Variants in DYNLRB1 observed in about 807,000 individuals in gnomAD.
DYNLRB1 encodes the protein ROBL/LC7-like 1.
A neutral mutation model predicts 13.5 loss-of-function variants in DYNLRB1; 6 were observed. The ratio of observed to expected loss-of-function variants is 0.44; its 90% confidence interval spans 0.24 to 0.88. The LOEUF is 0.88. Ranked by LOEUF, DYNLRB1 falls within the 40% of genes least tolerant of loss-of-function variation. DYNLRB1 has a pLI of 0.21. For synonymous variants in DYNLRB1, 43 were observed against 45.0 expected (o/e 0.96, Z 0.18); for missense variants, 93 against 127.2 (o/e 0.73, Z 1.29).
chr20:34,524,705 A>G (rs1448085062), intron 1 of DYNLRB1, among the ~76,000 whole-genome samples: 2 of 151,638 alleles, frequency 1.3e-5, no homozygotes, highest in East Asian at 1.9e-4. Flanking sequence ...TCTTAGAGGC[A>G]TAAGTCCATT....
chr20:34,532,465 T>C (rs868248158), intron 2 of DYNLRB1, among the ~76,000 whole-genome samples: 15 of 152,256 alleles, frequency 9.9e-5, no homozygotes, highest in African/African-American at 3.6e-4. Context: ...TCAGACTGAC[T>C]TGCTGGGTGG....
At chr20:34,531,859 G>A (rs1980738887) in intron 2 of DYNLRB1, among the ~76,000 whole-genome samples, 1 of 152,202 alleles carries the variant, frequency 6.6e-6, no homozygotes, top group Admixed American at 6.5e-5. Flanking sequence ...AGGGACCAAA[G>A]TGGAAATCAT....
At chr20:34,520,509 C>G (rs1979627568) in intron 1 of DYNLRB1, among the ~76,000 whole-genome samples, 1 of 152,158 alleles carries the variant, frequency 6.6e-6, no homozygotes, top group Non-Finnish European at 1.5e-5. Flanking sequence ...TTCAGTGGCT[C>G]AATCTCAGCT....
At chr20:34,535,189 AG>A in intron 3 of DYNLRB1, 1 of 985,420 alleles carries the variant, frequency 1.0e-6, no homozygotes. Context: ...AAGCAGTGTG[AG>A]CAAGGCGGAG....
chr20:34,517,048 C>T (rs1282673849), intron 1 of DYNLRB1, among the ~76,000 whole-genome samples: 1 of 152,034 alleles, frequency 6.6e-6, no homozygotes. Context: ...GTGCCAGAGT[C>T]AGGAACGGGC....
At chr20:34,525,190 C>CA (rs146968953) in intron 1 of DYNLRB1, among the ~76,000 whole-genome samples, 1 of 152,034 alleles carries the variant, frequency 6.6e-6, no homozygotes, top group Non-Finnish European at 1.5e-5. Context: ...TCCCCCCCCC[C>CA]ATTTCTTTTG....
At chr20:34,517,038 G>T (rs752949699) in intron 1 of DYNLRB1, among the ~76,000 whole-genome samples, 2 of 152,072 alleles carry the variant, frequency 1.3e-5, no homozygotes, top group Admixed American at 6.6e-5. Flanking sequence ...CTGGGACTGG[G>T]TGCCAGAGTC....
At chr20:34,535,734 G>A (rs1442183117) in intron 3 of DYNLRB1, 3 of 985,410 alleles carry the variant, frequency 3.0e-6, no homozygotes, top group East Asian at 2.3e-4. Flanking sequence ...TGAGTGGGGA[G>A]GAGTGGGAGG....
At chr20:34,525,784 T>C (rs1445739175) in intron 1 of DYNLRB1, among the ~76,000 whole-genome samples, 1 of 152,194 alleles carries the variant, frequency 6.6e-6, no homozygotes, top group East Asian at 1.9e-4. Flanking sequence ...TTCTTACAGC[T>C]GAGTGCTGTG....
chr20:34,529,813 T>A, intron 2 of DYNLRB1: 1 of 1,450,202 alleles, frequency 6.9e-7, no homozygotes, highest in Non-Finnish European at 9.1e-7. Context: ...CCCAGCCCTG[T>A]CTAGTTCTGA....
chr20:34,516,863 C>T (rs1344032376), intron 1 of DYNLRB1: 2 of 1,535,360 alleles, frequency 1.3e-6, no homozygotes, highest in Non-Finnish European at 8.8e-7. Context: ...TCCGCCTCCT[C>T]CCAGCTCTGT....
intron 2 of DYNLRB1, among the ~76,000 whole-genome samples, chr20:34,532,939 G>C (rs941607682): frequency 6.6e-6 from 1 of 152,216 alleles, no homozygotes; most frequent in Non-Finnish European, 1.5e-5. Flanking sequence ...AGGATGAGCA[G>C]GGTCCTGGGC....
intron 2 of DYNLRB1, among the ~76,000 whole-genome samples, chr20:34,532,304 G>A (rs1568602401): frequency 1.3e-5 from 2 of 152,188 alleles, no homozygotes; most frequent in Non-Finnish European, 2.9e-5. Context: ...TAACAGATAA[G>A]GCAGTGGAAG....
At chr20:34,525,444 A>T (rs1160855558) in intron 1 of DYNLRB1, among the ~76,000 whole-genome samples, 1 of 152,184 alleles carries the variant, frequency 6.6e-6, no homozygotes, top group Non-Finnish European at 1.5e-5. Context: ...ACACCCAGGG[A>T]TTTGGGGAGT....
intron 2 of DYNLRB1, chr20:34,530,202 G>C: frequency 8.8e-7 from 1 of 1,142,430 alleles, no homozygotes; most frequent in Non-Finnish European, 1.1e-6. Flanking sequence ...CCTTTTCACT[G>C]GGAAGCCCTA....
intron 3 of DYNLRB1, chr20:34,536,202 G>T: frequency 1.0e-6 from 1 of 985,412 alleles, no homozygotes; most frequent in Non-Finnish European, 1.2e-6. Context: ...AAGACTGCAG[G>T]AGGCACAGAA....
rs552026791 is a variant in DYNLRB1, at chr20:34,537,518, G to A, written c.247+2723G>A. On this transcript the variant is annotated intron_variant, in intron 3 of 3. Transcript: ENST00000357156. ...GGGTCAGAAGTGGGGTCAGCAGTGG[G>A]GACGGGGTCAGGGATGTCTGTGGGG... Among the ~76,000 whole-genome samples the A allele has an allele frequency of 3.9e-5, 6 of 152,284 alleles. No individual in the cohort carries two copies. The South Asian group carries it at 1.2e-3, about 32-fold the overall frequency.
At chr20:34,521,084 C>G (rs1979670721) in intron 1 of DYNLRB1, among the ~76,000 whole-genome samples, 1 of 152,094 alleles carries the variant, frequency 6.6e-6, no homozygotes, top group African/African-American at 2.4e-5. Context: ...ACGATCTCAG[C>G]TCACTACAAA....
upstream of DYNLRB1, chr20:34,516,309 G>A (rs1979158410): frequency 3.1e-6 from 4 of 1,271,504 alleles, no homozygotes; most frequent in Non-Finnish European, 2.1e-6. Flanking sequence ...GAATCCTGGC[G>A]GAGCCAAGAT....
Sources: allele counts gnomAD v4.1 joint callset (sites outside exome capture counted in the v4.1 genomes callset), GRCh38; gene constraint gnomAD v4.1.1; transcripts MANE v1.5; gene names NCBI Gene and HGNC (gene_info 2026-07-23, HGNC 2026-07-21).